NEGR1: variants seen among roughly 807,000 people sequenced by gnomAD.
NEGR1 encodes the protein IgLON family member 4.
NEGR1 carries 10 observed loss-of-function variants against 40.9 expected under a neutral mutation model. The observed-to-expected ratio is 0.24, with a 90% CI of 0.15 to 0.42. The LOEUF (loss-of-function observed/expected upper bound fraction) is 0.42, where lower values mean the gene tolerates loss of function less well. Among genes scored for constraint, NEGR1 ranks in the 10% least tolerant of loss-of-function variants. The pLI is 1.00. For synonymous variants in NEGR1, 185 were observed against 166.8 expected, an observed-to-expected ratio of 1.11 and a Z score of -0.84; for missense variants, 352 against 438.9, an observed-to-expected ratio of 0.80 and a Z score of 1.77.
intron 1 of NEGR1, among the ~76,000 whole-genome samples, chr1:72,267,560 G>A (rs888665237): frequency 2.0e-5 from 3 of 151,178 alleles, no homozygotes; most frequent in Admixed American, 6.6e-5. Flanking sequence ...AGAATATTCA[G>A]AAAATCAACT....
intron 3 of NEGR1, among the ~76,000 whole-genome samples, chr1:71,764,699 T>C (rs552926168): frequency 2.6e-5 from 4 of 152,236 alleles, no homozygotes; most frequent in South Asian, 2.1e-4. Flanking sequence ...CAAGGACCAA[T>C]TGAGAGCAAT....
intron 2 of NEGR1, among the ~76,000 whole-genome samples, chr1:71,818,641 T>A (rs1443574011): frequency 2.6e-5 from 4 of 151,696 alleles, no homozygotes. Context: ...GAAGTGCATT[T>A]TACCTATATA....
chr1:71,720,684 G>A (rs1217863135), intron 3 of NEGR1, among the ~76,000 whole-genome samples: 1 of 151,986 alleles, frequency 6.6e-6, no homozygotes, highest in Non-Finnish European at 1.5e-5. Context: ...TGATAAATTT[G>A]TCAGACCTAA....
At chr1:71,451,907 A>G (rs1201556766) in intron 6 of NEGR1, among the ~76,000 whole-genome samples, 2 of 152,144 alleles carry the variant, frequency 1.3e-5, no homozygotes, top group Non-Finnish European at 2.9e-5. Context: ...TCTTCACTAG[A>G]GCTTAAATTC....
chr1:72,050,537 G>A (rs1280657647), intron 1 of NEGR1, among the ~76,000 whole-genome samples: 1 of 151,442 alleles, frequency 6.6e-6, no homozygotes, highest in African/African-American at 2.4e-5. Flanking sequence ...TAACTAATAT[G>A]CAAAAGGTAA....
Position 71,535,129 on chromosome 1 carries a change from C to T in NEGR1, c.940+57688G>A, listed in dbSNP as rs544483346. Among the ~76,000 whole-genome samples the T allele has an allele frequency of 1.0e-3, 151 of 151,622 alleles. 1 individual carries two copies. Among genetic ancestry groups the T allele is most frequent in the Non-Finnish European group, 1.8e-3 (123 of 67,726 alleles). On this transcript the variant is annotated intron_variant, in intron 6 of 6. Coordinates refer to ENST00000357731, the MANE Select transcript of NEGR1 (RefSeq NM_173808.3). ...ATTTTATAATTCAAAAAAATGAAAG[C>T]ATAAAATGGCTTGAAAGGTAGAAGT...
intron 2 of NEGR1, among the ~76,000 whole-genome samples, chr1:71,826,674 C>T (rs1260789225): frequency 6.6e-6 from 1 of 151,828 alleles, no homozygotes; most frequent in African/African-American, 2.4e-5. Flanking sequence ...TTGGTTTGAA[C>T]CTCACAACAA....
chr1:71,595,248 G>T (rs1649657136), intron 5 of NEGR1, among the ~76,000 whole-genome samples: 1 of 152,168 alleles, frequency 6.6e-6, no homozygotes, highest in African/African-American at 2.4e-5. Flanking sequence ...CTGCTACTCG[G>T]ATCAGCCAGG....
At chr1:71,698,968 T>C (rs1417070503) in intron 3 of NEGR1, among the ~76,000 whole-genome samples, 1 of 151,804 alleles carries the variant, frequency 6.6e-6, no homozygotes, top group Non-Finnish European at 1.5e-5. Flanking sequence ...ATCCTAATTA[T>C]CAGAAGTGTG....
chr1:71,956,004 A>G (rs1420717092), intron 1 of NEGR1, among the ~76,000 whole-genome samples: 1 of 152,162 alleles, frequency 6.6e-6, no homozygotes, highest in Non-Finnish European at 1.5e-5. Context: ...GATAAATTCA[A>G]TTTCTTTTCA....
chr1:72,165,446 A>G (rs1193634108), intron 1 of NEGR1, among the ~76,000 whole-genome samples: 1 of 152,044 alleles, frequency 6.6e-6, no homozygotes, highest in Non-Finnish European at 1.5e-5. Context: ...TACTGAAGCT[A>G]TGACACCTAG....
Position 72,211,491 on chromosome 1 carries a change from C to T in NEGR1, c.176+70828G>A, listed in dbSNP as rs141198135. 9.9e-3 allele frequency among the ~76,000 whole-genome samples: 1,503 copies of T among 151,598 alleles called. 24 individuals are homozygous for T. The highest frequency in any genetic ancestry group is 0.034 in the African/African-American group (1,427 of 41,422). ...GCCAAGATTTTCTTTCCGTATCTAA[C>T]CAAATATATAGTCACAGGTTGAATG... On this transcript the variant is annotated intron_variant, in intron 1 of 6. Coordinates refer to ENST00000357731, the MANE Select transcript of NEGR1 (RefSeq NM_173808.3).
intron 6 of NEGR1, among the ~76,000 whole-genome samples, chr1:71,546,765 G>T (rs1446467650): frequency 2.0e-5 from 3 of 151,650 alleles, no homozygotes; most frequent in Non-Finnish European, 4.4e-5. Flanking sequence ...CTTAAGCAGT[G>T]ATTCTTATAA....
Position 71,610,687 on chromosome 1 carries a change from T to C in NEGR1, c.788+339A>G, listed in dbSNP as rs565605298. ...AGTTCCTATTGCTTTTGAAGTGCTC[T>C]TGTGGAAGCTGTACTCACGTCCTTT... On this transcript the variant is annotated intron_variant, in intron 5 of 6. Coordinates refer to ENST00000357731, the MANE Select transcript of NEGR1 (RefSeq NM_173808.3). Among the ~76,000 whole-genome samples the C allele has an allele frequency of 6.6e-5, 10 of 152,324 alleles. No homozygotes were observed. In the East Asian group the frequency reaches 1.9e-3, roughly 29 times the overall value.
At chr1:71,510,037 C>T (rs1417708433) in intron 6 of NEGR1, among the ~76,000 whole-genome samples, 2 of 152,188 alleles carry the variant, frequency 1.3e-5, no homozygotes, top group Non-Finnish European at 2.9e-5. Flanking sequence ...GGTCTAACAA[C>T]TCTAGCCAAT....
chr1:72,010,894 G>A (rs936629330), intron 1 of NEGR1, among the ~76,000 whole-genome samples: 5 of 152,016 alleles, frequency 3.3e-5, no homozygotes, highest in South Asian at 2.1e-4. Flanking sequence ...ATGACAACAC[G>A]TGACCTAGCC....
intron 1 of NEGR1, among the ~76,000 whole-genome samples, chr1:71,995,059 A>G (rs886844626): frequency 1.3e-5 from 2 of 152,034 alleles, no homozygotes; most frequent in African/African-American, 4.8e-5. Flanking sequence ...TATTTTCTGA[A>G]AGAACACTAT....
chr1:72,148,135 C>G (rs181717855), intron 1 of NEGR1, among the ~76,000 whole-genome samples: 1 of 152,264 alleles, frequency 6.6e-6, no homozygotes, highest in East Asian at 1.9e-4. Context: ...CTCCACATTT[C>G]CCTTCTGCAC....
At chr1:71,504,592 A>G (rs979247841) in intron 6 of NEGR1, among the ~76,000 whole-genome samples, 2 of 152,196 alleles carry the variant, frequency 1.3e-5, no homozygotes, top group African/African-American at 4.8e-5. Context: ...GTTCCTTCTG[A>G]GTAGGTCCCA....
Sources: allele counts gnomAD v4.1 joint callset (sites outside exome capture counted in the v4.1 genomes callset), GRCh38; gene constraint gnomAD v4.1.1; transcripts MANE v1.5; gene names NCBI Gene and HGNC (gene_info 2026-07-23, HGNC 2026-07-21).